The following DYNLT2B variants were observed in gnomAD, a reference collection of about 807,000 sequenced individuals.
The protein encoded by DYNLT2B is dynein light chain Tctex-type protein 2B.
DYNLT2B carries 14 observed loss-of-function variants against 19.5 expected under a neutral mutation model. The observed-to-expected ratio is 0.72, with a 90% CI of 0.47 to 1.12. The LOEUF is 1.12. Among genes scored for constraint, DYNLT2B ranks in the 50% most tolerant of loss-of-function variants. The pLI is 0.00. For synonymous variants in DYNLT2B, 70 were observed against 59.7 expected (o/e 1.17, Z -0.79); for missense variants, 133 against 174.7 (o/e 0.76, Z 1.35).
chr3:196,305,234 C>T (rs139489077), intron 3 of DYNLT2B, among the ~76,000 whole-genome samples: 9 of 152,206 alleles, frequency 5.9e-5, no homozygotes, highest in South Asian at 2.1e-4. Context: ...ATCTGAACTC[C>T]ATGATCAACC....
chr3:196,303,870 T>C (rs886709145), intron 3 of DYNLT2B, among the ~76,000 whole-genome samples: 5 of 152,136 alleles, frequency 3.3e-5, no homozygotes, highest in African/African-American at 7.2e-5. Flanking sequence ...ATGTTAACCA[T>C]AGGGAGTCCG....
intron 3 of DYNLT2B, 97 bp downstream of exon 3, chr3:196,306,846 C>T: frequency 8.8e-7 from 1 of 1,137,872 alleles, no homozygotes; most frequent in Non-Finnish European, 1.3e-6. Flanking sequence ...CGGCCCTTCT[C>T]ACTCTTGTAA....
chr3:196,297,018 CCCATCTCTACTAAAAATACAAAAAATTAG>C (rs1726240462), intron 3 of DYNLT2B, among the ~76,000 whole-genome samples: 1 of 151,292 alleles, frequency 6.6e-6, no homozygotes, highest in Non-Finnish European at 1.5e-5. Context: ...ACGGTGAAAC[CCCATCTCTACTAAAAATACAAAAAATTAG>C]CCAGGCGTGG....
intron 2 of DYNLT2B, among the ~76,000 whole-genome samples, chr3:196,310,132 C>T (rs990805966): frequency 6.6e-5 from 10 of 151,932 alleles, no homozygotes; most frequent in African/African-American, 1.7e-4. Flanking sequence ...GACAGAGTTT[C>T]GCTCTTCTGC....
chr3:196,301,758 A>G (rs1726361894), intron 3 of DYNLT2B, among the ~76,000 whole-genome samples: 1 of 151,886 alleles, frequency 6.6e-6, no homozygotes, highest in African/African-American at 2.4e-5. Flanking sequence ...AAATGTAAAA[A>G]TAGAGTGGGG....
At chr3:196,296,185 C>T (rs1253957071) in intron 3 of DYNLT2B, 116 bp from the exon 4 acceptor site, 2 of 863,032 alleles carry the variant, frequency 2.3e-6, no homozygotes, top group Admixed American at 2.0e-5. Context: ...ACTTCCAAAC[C>T]TTTCACAGGT....
chr3:196,316,802 T>G (rs1391066867), intron 1 of DYNLT2B, among the ~76,000 whole-genome samples: 1 of 151,380 alleles, frequency 6.6e-6, no homozygotes, highest in African/African-American at 2.4e-5. Flanking sequence ...CAAGCAAATA[T>G]GGGGTGTGTG....
chr3:196,291,292 T>A lies in DYNLT2B; in HGVS notation c.*35A>T, dbSNP rs1195844556. On this transcript the variant is annotated 3_prime_UTR_variant, in exon 5 of 5. Coordinates refer to ENST00000325318, the MANE Select transcript of DYNLT2B (RefSeq NM_152773.5). ...ATATTAAAAAGTTCAGATTTCTTCA[T>A]GGTCATGTCTTTTACCAGCTTTTCA... 6.3e-7 allele frequency: 1 copy of A among 1,582,552 alleles called. No individual in the cohort carries two copies. Among genetic ancestry groups the A allele is most frequent in the Non-Finnish European group, 8.6e-7 (1 of 1,165,602 alleles).
intron 2 of DYNLT2B, among the ~76,000 whole-genome samples, chr3:196,309,205 CAGA>C (rs1726567951): frequency 6.6e-6 from 1 of 152,018 alleles, no homozygotes; most frequent in Non-Finnish European, 1.5e-5. Flanking sequence ...CTCTTAAGGC[CAGA>C]AGTTCAAGAC....
chr3:196,315,567 T>C (rs1366093298), intron 2 of DYNLT2B, among the ~76,000 whole-genome samples: 1 of 151,676 alleles, frequency 6.6e-6, no homozygotes, highest in Non-Finnish European at 1.5e-5. Flanking sequence ...GGCCTTTATT[T>C]TGCTTTTTAA....
chr3:196,307,925 A>G (rs1287007809), intron 2 of DYNLT2B, among the ~76,000 whole-genome samples: 1 of 151,696 alleles, frequency 6.6e-6, no homozygotes, highest in African/African-American at 2.4e-5. Context: ...ACTAAAAAAT[A>G]TAAAAATTAG....
intron 3 of DYNLT2B, among the ~76,000 whole-genome samples, chr3:196,301,989 C>G (rs2108792814): frequency 6.6e-6 from 1 of 152,174 alleles, no homozygotes; most frequent in Middle Eastern, 3.4e-3. Context: ...CGCCTGTAGT[C>G]TCTGCTACTT....
At chr3:196,291,471 T>TC in intron 4 of DYNLT2B, 97 bp from the exon 5 acceptor site, 1 of 1,328,382 alleles carries the variant, frequency 7.5e-7, no homozygotes, top group Non-Finnish European at 1.0e-6. Context: ...CCATCTCAGA[T>TC]CTTTCCAATT....
intron 4 of DYNLT2B, among the ~76,000 whole-genome samples, chr3:196,292,176 A>G (rs1451209460): frequency 6.6e-6 from 1 of 152,244 alleles, no homozygotes; most frequent in Non-Finnish European, 1.5e-5. Flanking sequence ...TTACTTGTCC[A>G]TCTTTTAGTT....
At chr3:196,302,348 G>A (rs1210140105) in intron 3 of DYNLT2B, among the ~76,000 whole-genome samples, 2 of 152,134 alleles carry the variant, frequency 1.3e-5, no homozygotes, top group Admixed American at 6.6e-5. Context: ...TGGAGAAATG[G>A]CTGAATTGTA....
intron 3 of DYNLT2B, among the ~76,000 whole-genome samples, chr3:196,297,737 T>G (rs1726259154): frequency 1.3e-5 from 2 of 152,230 alleles, no homozygotes; most frequent in Non-Finnish European, 2.9e-5. Flanking sequence ...AAATGAGGAT[T>G]AGAGAAATTA....
At chr3:196,293,518 C>T (rs75343565) in intron 4 of DYNLT2B, among the ~76,000 whole-genome samples, 46,890 of 151,218 alleles carry the variant, frequency 0.31, 8,476 homozygotes, top group East Asian at 0.82. Context: ...CCCAGCTACT[C>T]GGGAGGCTGG....
chr3:196,318,024 C>CTGCTG lies in DYNLT2B; in HGVS notation c.113+15_113+16insCAGCA. On this transcript the variant is annotated intron_variant, in intron 1 of 4. Coordinates refer to ENST00000325318, the MANE Select transcript of DYNLT2B (RefSeq NM_152773.5). The stretch of plus-strand genomic sequence containing the variant: ...CGCGCTCGAGGTCGCCCCGCCACAG[C>CTGCTG]CCGTCCTCTACCCGCCTCTGCTGGA... 6.8e-7 allele frequency: 1 copy of CTGCTG among 1,477,956 alleles called. No individual in the cohort carries two copies. 91.6% of individuals were successfully genotyped at this position (1,477,956 alleles called of 1,614,324 possible).
intron 2 of DYNLT2B, among the ~76,000 whole-genome samples, chr3:196,312,210 G>A (rs987236409): frequency 6.6e-6 from 1 of 151,706 alleles, no homozygotes; most frequent in Non-Finnish European, 1.5e-5. Context: ...TAGAGACGGG[G>A]TTTCACCATA....
Sources: allele counts gnomAD v4.1 joint callset (sites outside exome capture counted in the v4.1 genomes callset), GRCh38; gene constraint gnomAD v4.1.1; transcripts MANE v1.5; gene names NCBI Gene and HGNC (gene_info 2026-07-23, HGNC 2026-07-21).